The following EDIL3 variants were observed in gnomAD, a reference collection of about 807,000 sequenced individuals.
The protein encoded by EDIL3 is EGF like and discoidin domains 3, also known as EGF-like repeat and discoidin I-like domain-containing protein 3.
A neutral mutation model predicts 67.4 loss-of-function variants in EDIL3; 37 were observed. That is an observed-to-expected ratio of 0.55 (90% confidence interval 0.42 to 0.72). The LOEUF is 0.72. Ranked by LOEUF, EDIL3 falls within the 30% of genes least tolerant of loss-of-function variation. The pLI is 0.00. For synonymous variants in EDIL3, 195 were observed against 196.3 expected, an observed-to-expected ratio of 0.99 and a Z score of 0.05; for missense variants, 527 against 586.3, an observed-to-expected ratio of 0.90 and a Z score of 1.04.
intron 6 of EDIL3, among the ~76,000 whole-genome samples, chr5:84,074,295 C>T (rs1362126564): frequency 6.6e-6 from 1 of 150,514 alleles, no homozygotes; most frequent in Non-Finnish European, 1.5e-5. Context: ...TGGGCAAGGA[C>T]TTCATGTCTA....
At chr5:84,199,898 G>C (rs1480037650) in intron 3 of EDIL3, among the ~76,000 whole-genome samples, 1 of 152,034 alleles carries the variant, frequency 6.6e-6, no homozygotes, top group Non-Finnish European at 1.5e-5. Context: ...CAACTGCAAA[G>C]TTAGCAAGGG....
chr5:84,140,932 G>A (rs1024338867), intron 4 of EDIL3, among the ~76,000 whole-genome samples: 9 of 152,034 alleles, frequency 5.9e-5, no homozygotes, highest in Admixed American at 2.6e-4. Context: ...TATTTGCACT[G>A]TAATTAACAC....
At chr5:84,141,868 C>T (rs1016036634) in intron 4 of EDIL3, among the ~76,000 whole-genome samples, 2 of 146,650 alleles carry the variant, frequency 1.4e-5, no homozygotes, top group Non-Finnish European at 3.0e-5. Flanking sequence ...CTGGAGATTT[C>T]GCTGTGAGAA....
chr5:84,316,420 A>G (rs1746512988), intron 1 of EDIL3, among the ~76,000 whole-genome samples: 1 of 152,214 alleles, frequency 6.6e-6, no homozygotes, highest in Non-Finnish European at 1.5e-5. Context: ...AGGAAGATCT[A>G]CAAAGCAAAT....
intron 4 of EDIL3, among the ~76,000 whole-genome samples, chr5:84,137,867 G>A (rs1038658497): frequency 6.6e-6 from 1 of 152,142 alleles, no homozygotes; most frequent in Non-Finnish European, 1.5e-5. Context: ...GCTAAAGCTC[G>A]TTACATGCAA....
chr5:84,357,631 G>A (rs537556060), intron 1 of EDIL3, among the ~76,000 whole-genome samples: 1 of 152,276 alleles, frequency 6.6e-6, no homozygotes, highest in Non-Finnish European at 1.5e-5. Context: ...GCTCACGCCT[G>A]TAATCCCAGC....
intron 9 of EDIL3, among the ~76,000 whole-genome samples, chr5:83,987,865 G>GTA (rs1375384408): frequency 3.5e-5 from 2 of 57,026 alleles, no homozygotes; most frequent in Non-Finnish European, 2.9e-5. Flanking sequence ...GTGTGTGTGT[G>GTA]TATGTATATA....
chr5:84,154,724 G>T (rs1748460430), intron 4 of EDIL3, among the ~76,000 whole-genome samples: 2 of 117,168 alleles, frequency 1.7e-5, no homozygotes, highest in South Asian at 2.9e-4. Context: ...TTTAAAGACA[G>T]AGTCTCCCTC....
Position 84,012,711 on chromosome 5 carries a change from G to A in EDIL3, c.1137+47589C>T, listed in dbSNP as rs188408772. ...ATTCCATTTTTAACTGTAAACACAC[G>A]TTCTCAATTTACTATTCTCCATAGG... is the stretch of plus-strand genomic sequence containing the variant. On this transcript the variant is annotated intron_variant, in intron 9 of 10. Transcript: ENST00000296591. 7.2e-5 allele frequency among the ~76,000 whole-genome samples: 11 copies of A among 152,014 alleles called. No individual in the cohort carries two copies. The East Asian group carries it at 9.7e-4, about 13-fold the overall frequency.
At chr5:84,241,879 T>C (rs1038048391) in intron 2 of EDIL3, among the ~76,000 whole-genome samples, 4 of 152,058 alleles carry the variant, frequency 2.6e-5, no homozygotes, top group Non-Finnish European at 5.9e-5. Flanking sequence ...GTGGCACTTA[T>C]GAGCCAGACA....
chr5:84,305,212 C>A (rs960627503), intron 1 of EDIL3, among the ~76,000 whole-genome samples: 1 of 152,170 alleles, frequency 6.6e-6, no homozygotes, highest in Non-Finnish European at 1.5e-5. Flanking sequence ...AGAACAGGTA[C>A]ATTTAAATGC....
chr5:84,332,882 C>T (rs555579821), intron 1 of EDIL3, among the ~76,000 whole-genome samples: 2 of 152,190 alleles, frequency 1.3e-5, no homozygotes, highest in South Asian at 4.2e-4. Flanking sequence ...TCAAATAATC[C>T]ACCTTTTGAA....
rs754466825 is a variant in EDIL3 at position 84,137,229 on chromosome 5, G to T, written c.469+12C>A. 1.9e-6 allele frequency: 3 copies of T among 1,565,388 alleles called. No individual in the cohort carries two copies. The highest frequency in any genetic ancestry group is 4.5e-5 in the East Asian group (2 of 44,270). On this transcript the variant is annotated intron_variant, in intron 5 of 10. Coordinates refer to ENST00000296591, the MANE Select transcript of EDIL3 (RefSeq NM_005711.5). ...CACACACACACACACATACACACACGTGAATACTTACTGTATTGACAATTT... is the reference window on the plus strand; with the variant it reads ...CACACACACACACACATACACACACTTGAATACTTACTGTATTGACAATTT...
chr5:84,364,562 A>G (rs977793761), intron 1 of EDIL3, among the ~76,000 whole-genome samples: 12 of 152,168 alleles, frequency 7.9e-5, no homozygotes, highest in African/African-American at 2.9e-4. Flanking sequence ...GATTTAGCAA[A>G]TACAGGTAAG....
intron 4 of EDIL3, among the ~76,000 whole-genome samples, chr5:84,171,581 G>A (rs906521484): frequency 1.3e-5 from 2 of 152,146 alleles, no homozygotes; most frequent in African/African-American, 4.8e-5. Flanking sequence ...TGGGGTTCTT[G>A]TTATAAGACA....
At chr5:84,259,819 G>A (rs919516813) in intron 1 of EDIL3, among the ~76,000 whole-genome samples, 1 of 152,154 alleles carries the variant, frequency 6.6e-6, no homozygotes, top group African/African-American at 2.4e-5. Flanking sequence ...ACAGCAAAGT[G>A]TGTGAGCACC....
intron 5 of EDIL3, among the ~76,000 whole-genome samples, chr5:84,133,062 T>G (rs2112311638): frequency 6.6e-6 from 1 of 152,252 alleles, no homozygotes; most frequent in Admixed American, 6.5e-5. Context: ...AATAATGTCA[T>G]ATTTAAACAA....
At chr5:84,358,533 T>G (rs1490804773) in intron 1 of EDIL3, among the ~76,000 whole-genome samples, 1 of 148,562 alleles carries the variant, frequency 6.7e-6, no homozygotes, top group Non-Finnish European at 1.5e-5. Flanking sequence ...AAGATAAAGC[T>G]AAGCAAACAG....
intron 9 of EDIL3, among the ~76,000 whole-genome samples, chr5:83,999,152 T>C (rs1391215927): frequency 6.6e-6 from 1 of 152,018 alleles, no homozygotes; most frequent in Non-Finnish European, 1.5e-5. Flanking sequence ...CTTTGAATAA[T>C]TGGAAAACCT....
Sources: allele counts gnomAD v4.1 joint callset (sites outside exome capture counted in the v4.1 genomes callset), GRCh38; gene constraint gnomAD v4.1.1; transcripts MANE v1.5; gene names NCBI Gene and HGNC (gene_info 2026-07-23, HGNC 2026-07-21).